Variants in ATAD2B observed in about 807,000 individuals in gnomAD.
ATAD2B encodes the protein ATPase family AAA domain-containing protein 2B.
ATAD2B carries 40 observed loss-of-function variants against 167.6 expected under a neutral mutation model. That is an observed-to-expected ratio of 0.24 (90% CI 0.19 to 0.31). The LOEUF is 0.31. ATAD2B is among the 10% of genes least tolerant of loss of function. ATAD2B has a pLI of 1.00. For synonymous variants in ATAD2B, 579 were observed against 596.5 expected (o/e 0.97, Z 0.43); for missense variants, 1,242 against 1,757.2 (o/e 0.71, Z 5.24).
At chr2:23,683,894 G>A in the ATAD2B span, among the ~76,000 whole-genome samples, 1 of 152,194 alleles carries the variant, frequency 6.6e-6, no homozygotes, top group African/African-American at 2.4e-5. Context: ...ATGGCTGTGA[G>A]TGTCTAACAT....
intron 19 of ATAD2B, among the ~76,000 whole-genome samples, chr2:23,793,950 A>G (rs1436493201): frequency 3.9e-5 from 6 of 152,180 alleles, no homozygotes; most frequent in Non-Finnish European, 8.8e-5. Flanking sequence ...TGAAAAATAT[A>G]TTTTTCCAAA....
chr2:23,697,909 T>C, the ATAD2B span: 1 of 152,226 alleles, frequency 6.6e-6, no homozygotes, highest in Non-Finnish European at 1.5e-5. Flanking sequence ...AAATGAGACA[T>C]TTTCTCTGTA....
chr2:23,834,466 A>G (rs1689603168), intron 13 of ATAD2B, among the ~76,000 whole-genome samples: 1 of 151,952 alleles, frequency 6.6e-6, no homozygotes, highest in Non-Finnish European at 1.5e-5. Flanking sequence ...CCGGCTTATC[A>G]GTCTTTAATG....
At chr2:23,856,496 T>C (rs1047586875) in intron 13 of ATAD2B, 41 of 393,038 alleles carry the variant, frequency 1.0e-4, no homozygotes, top group Middle Eastern at 4.6e-4. Flanking sequence ...GAAAAATAAA[T>C]AGTAGTATAC....
At chr2:23,914,814 G>C (rs1167441924) in intron 1 of ATAD2B, among the ~76,000 whole-genome samples, 3 of 150,020 alleles carry the variant, frequency 2.0e-5, no homozygotes, top group Admixed American at 6.7e-5. Context: ...CTGCACTCCA[G>C]CCTGGGCAAC....
chr2:23,801,467 G>A (rs1487760004), intron 18 of ATAD2B, among the ~76,000 whole-genome samples: 1 of 151,644 alleles, frequency 6.6e-6, no homozygotes, highest in East Asian at 1.9e-4. Context: ...TGGATTGGTG[G>A]ATGTGCAAGG....
chr2:23,708,890 C>T, the ATAD2B span, among the ~76,000 whole-genome samples: 1 of 152,338 alleles, frequency 6.6e-6, no homozygotes, highest in South Asian at 2.1e-4. Context: ...CAACTGAAAG[C>T]TTCAAAGCTG....
intron 24 of ATAD2B, among the ~76,000 whole-genome samples, chr2:23,759,502 T>C (rs966428599): frequency 4.6e-5 from 7 of 152,202 alleles, no homozygotes; most frequent in African/African-American, 1.7e-4. Context: ...TCCTTTCATC[T>C]TTAATTCCTG....
intron 14 of ATAD2B, among the ~76,000 whole-genome samples, 164 bp from the exon 15 acceptor site, chr2:23,829,103 C>T (rs1351053545): frequency 6.6e-6 from 1 of 152,156 alleles, no homozygotes; most frequent in African/African-American, 2.4e-5. Flanking sequence ...CTGTCTACAT[C>T]AACTCTGATT....
the ATAD2B span, among the ~76,000 whole-genome samples, chr2:23,720,090 G>A: frequency 6.6e-6 from 1 of 152,176 alleles, no homozygotes; most frequent in Admixed American, 6.5e-5. Context: ...CCAGAAAGGA[G>A]GCAGTGACCT....
downstream of ATAD2B, among the ~76,000 whole-genome samples, chr2:23,745,324 AG>A (rs1342435966): frequency 2.0e-5 from 3 of 149,556 alleles, no homozygotes; most frequent in African/African-American, 7.4e-5. Flanking sequence ...AAAGCAAGCG[AG>A]AAAGAGAGAA....
rs1265712896 is a variant in ATAD2B, at chr2:23,752,029, C to T, written c.*17G>A. ...GAGGAGCAGATTGGAGAGGATAAAC[C>T]ACTCATCTTGAAAAGTTCATAGGAA... On this transcript the variant is annotated 3_prime_UTR_variant, in exon 28 of 28. Transcript: ENST00000238789. 2 of 1,550,748 alleles carry T rather than the reference C, an allele frequency of 1.3e-6. No homozygotes were observed. Among genetic ancestry groups the T allele is most frequent in the Non-Finnish European group, 1.8e-6 (2 of 1,141,498 alleles).
chr2:23,864,185 A>G (rs1481312204), intron 11 of ATAD2B, among the ~76,000 whole-genome samples: 1 of 152,028 alleles, frequency 6.6e-6, no homozygotes, highest in East Asian at 1.9e-4. Flanking sequence ...TTGTATTTTC[A>G]GTAGAGACGA....
the ATAD2B span, among the ~76,000 whole-genome samples, chr2:23,699,776 C>T: frequency 6.6e-6 from 1 of 152,188 alleles, no homozygotes; most frequent in Non-Finnish European, 1.5e-5. Context: ...AGGGAAGGCC[C>T]CCATCCTCTA....
intron 25 of ATAD2B, among the ~76,000 whole-genome samples, chr2:23,756,014 A>G (rs1036457481): frequency 6.6e-6 from 1 of 152,140 alleles, no homozygotes; most frequent in Non-Finnish European, 1.5e-5. Context: ...TAGTGTTTAG[A>G]TCACCAACTG....
the ATAD2B span, chr2:23,708,613 AGCCAACGTAATCTTTGTGT>A: frequency 4.6e-5 from 7 of 152,234 alleles, no homozygotes; most frequent in African/African-American, 1.7e-4. Flanking sequence ...TAGACTTGGA[AGCCAACGTAATCTTTGTGT>A]GCCATCGTCC....
intron 8 of ATAD2B, chr2:23,872,560 T>C (rs986018332): frequency 4.3e-5 from 46 of 1,067,812 alleles, no homozygotes; most frequent in Non-Finnish European, 6.5e-5. Context: ...CACAGGAGGG[T>C]AGCTGATCCT....
chr2:23,923,649 CAA>C (rs200804427), intron 1 of ATAD2B, among the ~76,000 whole-genome samples: 6 of 117,744 alleles, frequency 5.1e-5, no homozygotes, highest in Admixed American at 8.8e-5. Context: ...TTTTACATGT[CAA>C]AAAAAAAAAA....
intron 7 of ATAD2B, among the ~76,000 whole-genome samples, chr2:23,878,014 G>GAAAAAAAAAAAAA (rs70941598): frequency 2.3e-5 from 1 of 42,704 alleles, no homozygotes; most frequent in Non-Finnish European, 4.4e-5. Flanking sequence ...TATCTCCAAA[G>GAAAAAAAAAAAAA]AAAAAAAAAA....
Sources: gnomAD v4.1 joint callset for allele counts (sites outside exome capture counted in the v4.1 genomes callset) on GRCh38, gnomAD v4.1.1 for gene constraint, MANE v1.5 for transcripts, NCBI Gene and HGNC (gene_info 2026-07-23, HGNC 2026-07-21) for gene names.